SRCIN1: variants seen among roughly 807,000 people sequenced by gnomAD.
SRCIN1 encodes P130Cas-associated protein.
In SRCIN1, 50 loss-of-function variants were observed where a neutral mutation model predicts 116.2. That is an observed-to-expected ratio of 0.43 (90% CI 0.34 to 0.54). SRCIN1 has a LOEUF of 0.54. Ranked by LOEUF, SRCIN1 falls within the 20% of genes least tolerant of loss-of-function variation. The pLI is 0.02. For synonymous variants in SRCIN1, 736 were observed against 750.0 expected, an observed-to-expected ratio of 0.98 and a Z score of 0.30; for missense variants, 1,446 against 1,672.0, an observed-to-expected ratio of 0.86 and a Z score of 2.36.
chr17:38,536,821 A>C (rs943411576), intron 18 of SRCIN1, among the ~76,000 whole-genome samples: 3 of 152,248 alleles, frequency 2.0e-5, no homozygotes, highest in African/African-American at 7.2e-5. Context: ...TGACTGATTT[A>C]GGAATGGGCA....
At chr17:38,593,142 G>A (rs1169604956) in intron 1 of SRCIN1, among the ~76,000 whole-genome samples, 1 of 152,106 alleles carries the variant, frequency 6.6e-6, no homozygotes, top group Non-Finnish European at 1.5e-5. Context: ...AGATCGGAGG[G>A]GCGAGCCCAG....
chr17:38,581,571 T>G (rs547918770), intron 1 of SRCIN1, among the ~76,000 whole-genome samples: 4 of 151,908 alleles, frequency 2.6e-5, no homozygotes, highest in African/African-American at 9.7e-5. Flanking sequence ...GGGATGGTAG[T>G]GAAATAAAGT....
At chr17:38,547,286 C>G (rs1455531134) in intron 17 of SRCIN1, among the ~76,000 whole-genome samples, 2 of 152,296 alleles carry the variant, frequency 1.3e-5, no homozygotes, top group East Asian at 3.9e-4. Context: ...AGAGCCCCTC[C>G]CCGGCACAGG....
intron 2 of SRCIN1, among the ~76,000 whole-genome samples, chr17:38,578,065 A>C (rs1907523383): frequency 6.6e-6 from 1 of 152,140 alleles, no homozygotes; most frequent in African/African-American, 2.4e-5. Flanking sequence ...TCTCTCTTAG[A>C]GTCCATATCA....
intron 1 of SRCIN1, among the ~76,000 whole-genome samples, chr17:38,600,643 G>A (rs979021214): frequency 1.3e-5 from 2 of 152,234 alleles, no homozygotes; most frequent in African/African-American, 2.4e-5. Context: ...CTAAGCTCCC[G>A]GCAGAGGGCT....
At chr17:38,592,782 C>T (rs545276975) in intron 1 of SRCIN1, among the ~76,000 whole-genome samples, 1 of 151,700 alleles carries the variant, frequency 6.6e-6, no homozygotes, top group East Asian at 1.9e-4. Flanking sequence ...GATGATTTAG[C>T]AAGGATCACA....
rs1036012423 is a variant in SRCIN1 at position 38,549,877 on chromosome 17, C to CCA, written c.2963-669_2963-668dup. 8.5e-5 allele frequency among the ~76,000 whole-genome samples: 13 copies of CCA among 152,316 alleles called. 1 individual carries two copies. Among genetic ancestry groups the CCA allele is most frequent in the African/African-American group, 2.9e-4 (12 of 41,558 alleles). On this transcript the variant is annotated intron_variant, in intron 15 of 18. Transcript: ENST00000617146. ...CAGGCTGGACCCTGTTCAGGCCATGCCACACACACACCTTCAGGCGTTTGC... is the reference window on the plus strand; with the variant it reads ...CAGGCTGGACCCTGTTCAGGCCATGCCACACACACACACCTTCAGGCGTTTGC...
intron 1 of SRCIN1, among the ~76,000 whole-genome samples, chr17:38,600,477 C>T (rs1020826004): frequency 1.3e-5 from 2 of 152,340 alleles, no homozygotes; most frequent in African/African-American, 4.8e-5. Flanking sequence ...AATGAATGAC[C>T]TAGTCCTTCT....
At chr17:38,550,380 G>A (rs538713050) in intron 15 of SRCIN1, among the ~76,000 whole-genome samples, 12 of 152,286 alleles carry the variant, frequency 7.9e-5, no homozygotes, top group African/African-American at 2.4e-4. Flanking sequence ...TGTAGTCCCA[G>A]CTACTCGGGA....
At chr17:38,555,351 T>C (rs1318070219) in intron 11 of SRCIN1, among the ~76,000 whole-genome samples, 1 of 152,196 alleles carries the variant, frequency 6.6e-6, no homozygotes, top group Non-Finnish European at 1.5e-5. Context: ...CCTTTTCCAT[T>C]GGTTGGAAAC....
Position 38,560,431 on chromosome 17 carries a change from G to GAGGA in SRCIN1, c.1701-10_1701-7dup. ...CCATGGCCTCCATGCGCTCCCTGGG[G>GAGGA]AGGAAGGGGGTCTGGGCAACCTCGC... On this transcript the variant is annotated splice_region_variant and splice_polypyrimidine_tract_variant and intron_variant, in intron 7 of 18. Coordinates refer to ENST00000617146, the MANE Select transcript of SRCIN1 (RefSeq NM_025248.3). 1 of 1,605,812 alleles carries GAGGA rather than the reference G, an allele frequency of 6.2e-7. No individual in the cohort carries two copies. Among genetic ancestry groups the GAGGA allele is most frequent in the Non-Finnish European group, 8.5e-7 (1 of 1,176,250 alleles).
chr17:38,602,692 GC>G lies in SRCIN1; in HGVS notation c.22+2991del, dbSNP rs1361373628. ...TTGCCAGGGCTTGGAGGAGATAAAT[GC>G]TTGAGATTCCTCGAAAGAGCAGCTT... On this transcript the variant is annotated intron_variant, in intron 1 of 18. Coordinates refer to ENST00000617146, the MANE Select transcript of SRCIN1 (RefSeq NM_025248.3). The surrounding 1 kb of genome is among the most constrained non-coding windows in gnomAD (Gnocchi z 4.2). 6.6e-6 allele frequency: 1 copy of G among 152,306 alleles called. No homozygotes were observed. The highest frequency in any genetic ancestry group is 1.5e-5 in the Non-Finnish European group (1 of 68,062). The allele number at this position is 152,306 out of a possible 1,614,324, so 9.4% of individuals were successfully genotyped here.
chr17:38,577,468 C>T (rs1301973849), intron 2 of SRCIN1, among the ~76,000 whole-genome samples: 1 of 152,204 alleles, frequency 6.6e-6, no homozygotes, highest in Non-Finnish European at 1.5e-5. Flanking sequence ...GTGTCTTGTT[C>T]CCTGCAGTGA....
At chr17:38,595,068 A>C (rs1278473111) in intron 1 of SRCIN1, among the ~76,000 whole-genome samples, 1 of 152,154 alleles carries the variant, frequency 6.6e-6, no homozygotes, top group Non-Finnish European at 1.5e-5. Flanking sequence ...GACAGAGGAC[A>C]GGCCCCCACA....
rs1275129491 is a variant in SRCIN1 at position 38,563,086 on chromosome 17, G to A, written c.741-166C>T. Among the ~76,000 whole-genome samples, 3 of 152,168 alleles carry A rather than the reference G, an allele frequency of 2.0e-5. No individual in the cohort carries two copies. Among genetic ancestry groups the A allele is most frequent in the Admixed American group, 2.0e-4 (3 of 15,282 alleles). ...GCAGCCTCCACCCCGGCCTCTTCCT[G>A]GCCTCCGGCGCCATTTTCAGGTTAG... is the stretch of plus-strand genomic sequence containing the variant. On this transcript the variant is annotated intron_variant, in intron 5 of 18. Coordinates refer to ENST00000617146, the MANE Select transcript of SRCIN1 (RefSeq NM_025248.3). This position sits in a 1 kb window ranked among gnomAD's most constrained non-coding sequence, Gnocchi z 5.8.
intron 1 of SRCIN1, among the ~76,000 whole-genome samples, chr17:38,584,610 T>C (rs1908018326): frequency 6.6e-6 from 1 of 152,266 alleles, no homozygotes. Context: ...TTCCAAATTC[T>C]ACGTTTATTT....
At position 38,552,802 on chromosome 17, in the gene SRCIN1, C is replaced by A. The variant is rs751001424; in HGVS notation, c.2255G>T (p.Arg752Leu). ...CTCCAGCTCAGGGCCGGGCACCAGCCGGTGGTTGTGGGACACGTCTCTCTG... is the reference window on the plus strand; with the variant it reads ...CTCCAGCTCAGGGCCGGGCACCAGCAGGTGGTTGTGGGACACGTCTCTCTG... ...KIQRDVSHNH[R>L]LVPGPELEEK... The change falls in exon 12 of 19, where the codon CGG becomes CTG. Residue 752 changes from arginine to leucine, a missense_variant. By Grantham distance (102) the Arg-to-Leu change is moderately radical. This residue lies in a region of SRCIN1 where 531 missense variants were observed against 633.9 expected (regional missense o/e 0.84). Transcript: ENST00000617146. This position sits in a 1 kb window ranked among gnomAD's most constrained non-coding sequence, Gnocchi z 5.3. The A allele has an allele frequency of 1.9e-6, 3 of 1,613,972 alleles. No individual in the cohort carries two copies. Among genetic ancestry groups the A allele is most frequent in the Admixed American group, 1.7e-5 (1 of 60,020 alleles).
chr17:38,544,027 G>A lies in SRCIN1; in HGVS notation c.3271-58C>T. 1 of 1,515,726 alleles carries A rather than the reference G, an allele frequency of 6.6e-7. No individual in the cohort carries two copies. Among genetic ancestry groups the A allele is most frequent in the Non-Finnish European group, 8.8e-7 (1 of 1,133,318 alleles). The allele number at this position is 1,515,726 out of a possible 1,614,324, so 93.9% of individuals were successfully genotyped here. ...AGTCCACATGGGGTGAATCACACAG[G>A]AACCCTAGCACTGGGTGGGGTCTCG... On this transcript the variant is annotated intron_variant, in intron 17 of 18. Transcript: ENST00000617146. This position sits in a 1 kb window ranked among gnomAD's most constrained non-coding sequence, Gnocchi z 4.5.
Position 38,560,065 on chromosome 17 carries a change from G to T in SRCIN1, c.1826C>A (p.Thr609Asn). The T allele has an allele frequency of 1.3e-6, 2 of 1,557,886 alleles. No individual in the cohort carries two copies. Among genetic ancestry groups the T allele is most frequent in the Non-Finnish European group, 1.7e-6 (2 of 1,150,940 alleles). The change falls in exon 9 of 19, where the codon ACC (threonine) becomes AAC (asparagine). Residue 609 changes from threonine (T) to asparagine (N), a missense_variant. Transcript: ENST00000617146. ...EKIEGSNGAA[T>N]PSAPCGSGGR... ...GGAGGTTCACTCACGTGCTGAGGGG[G>T]TGGCTGCTCCATTGGAGCCTTCAAT...
Sources: allele counts gnomAD v4.1 joint callset (sites outside exome capture counted in the v4.1 genomes callset), GRCh38; gene constraint gnomAD v4.1.1; regional missense constraint gnomAD v4.1.1; non-coding constraint Gnocchi (gnomAD v3.1); transcripts MANE v1.5; gene names NCBI Gene and HGNC (gene_info 2026-07-23, HGNC 2026-07-21).